BFAR: variants seen among roughly 807,000 people sequenced by gnomAD.
The protein encoded by BFAR is RING finger protein 47.
In BFAR, 52 loss-of-function variants were observed where a neutral mutation model predicts 54.4. That is an observed-to-expected ratio of 0.96 (90% CI 0.77 to 1.21). The LOEUF (loss-of-function observed/expected upper bound fraction) is 1.21. BFAR is among the 50% of genes most tolerant of loss of function. The pLI is 0.00. For synonymous variants in BFAR, 215 were observed against 204.3 expected (o/e 1.05, Z -0.45); for missense variants, 571 against 534.0 (o/e 1.07, Z -0.68).
chr16:14,647,784 C>T (rs991244466), intron 2 of BFAR, among the ~76,000 whole-genome samples: 6 of 151,944 alleles, frequency 3.9e-5, no homozygotes, highest in African/African-American at 1.5e-4. Context: ...CAATTATGTA[C>T]GTCTTAAATT....
chr16:14,653,533 C>T (rs1960035338), intron 4 of BFAR, among the ~76,000 whole-genome samples: 1 of 152,032 alleles, frequency 6.6e-6, no homozygotes, highest in Admixed American at 6.6e-5. Context: ...ACCACGTTGG[C>T]CAGGCTGGTC....
At chr16:14,661,489 C>T (rs907232951) in intron 5 of BFAR, among the ~76,000 whole-genome samples, 1 of 147,458 alleles carries the variant, frequency 6.8e-6, no homozygotes, top group South Asian at 2.2e-4. Flanking sequence ...GCAACCTCCA[C>T]CTCCCAGGTT....
At chr16:14,640,013 T>C (rs905327074) in intron 1 of BFAR, among the ~76,000 whole-genome samples, 1 of 151,672 alleles carries the variant, frequency 6.6e-6, no homozygotes, top group Non-Finnish European at 1.5e-5. Context: ...TAGCCAGGTG[T>C]GGTGGCGCAC....
At chr16:14,658,657 C>T (rs1217102744) in intron 5 of BFAR, among the ~76,000 whole-genome samples, 2 of 151,332 alleles carry the variant, frequency 1.3e-5, no homozygotes, top group Admixed American at 6.6e-5. Flanking sequence ...GGCGTGAACC[C>T]GGGAGACGGA....
In BFAR at chr16:14,649,904, G is replaced by T; in HGVS notation, c.569G>T (p.Trp190Leu). 1 of 1,613,744 alleles carries T rather than the reference G, an allele frequency of 6.2e-7. No individual in the cohort carries two copies. ...AKWTAEEVVLWLEQLGPWASL... is the reference protein window; with the variant it reads ...AKWTAEEVVLLLEQLGPWASL... Reference sequence around the variant, plus strand: ...TGGACGGCGGAAGAAGTTGTCCTCTGGCTGGAGCAGCTGGGCCCTTGGGCA... The same window carrying T: ...TGGACGGCGGAAGAAGTTGTCCTCTTGCTGGAGCAGCTGGGCCCTTGGGCA... Residue 190 changes from tryptophan to leucine, a missense_variant, in exon 4 of 8, where the codon TGG (tryptophan) becomes TTG (leucine). Trp to Leu is a moderately conservative substitution (Grantham distance 61). Coordinates refer to ENST00000261658, the MANE Select transcript of BFAR (RefSeq NM_016561.3).
Position 14,669,200 on chromosome 16 carries a change from GAAATAA to G in BFAR, c.*1381_*1386del. On this transcript the variant is annotated 3_prime_UTR_variant, in exon 8 of 8. Transcript: ENST00000261658. ...ATCTGGAAGTTCGAAGAAATTACTTGAAATAAAAATAAAGATTTCTATATAGATAAA... is the reference window on the plus strand; with the variant it reads ...ATCTGGAAGTTCGAAGAAATTACTTGAAATAAAGATTTCTATATAGATAAA... 2 of 305,162 alleles carry G rather than the reference GAAATAA, an allele frequency of 6.6e-6. No individual in the cohort carries two copies. Among genetic ancestry groups the G allele is most frequent in the South Asian group, 5.3e-5 (2 of 37,702 alleles). 18.9% of individuals were successfully genotyped at this position (305,162 alleles called of 1,614,324 possible).
chr16:14,638,652 T>TAA (rs1959528042), intron 1 of BFAR, among the ~76,000 whole-genome samples: 1 of 152,226 alleles, frequency 6.6e-6, no homozygotes, highest in Admixed American at 6.5e-5. Context: ...AGTAAGGGTA[T>TAA]AAAAATTCTT....
intron 1 of BFAR, among the ~76,000 whole-genome samples, chr16:14,640,364 G>A (rs1959583734): frequency 1.3e-5 from 2 of 152,174 alleles, no homozygotes; most frequent in African/African-American, 4.8e-5. Flanking sequence ...GAGGAGTGTA[G>A]CAAGCTGACG....
At chr16:14,637,064 TACAG>T (rs1295148421) in intron 1 of BFAR, among the ~76,000 whole-genome samples, 1 of 152,192 alleles carries the variant, frequency 6.6e-6, no homozygotes, top group Non-Finnish European at 1.5e-5. Flanking sequence ...TCTCTTTCTA[TACAG>T]ACACAGTAAC....
chr16:14,661,759 G>C, intron 5 of BFAR, 133 bp from the exon 6 acceptor site: 8 of 980,354 alleles, frequency 8.2e-6, no homozygotes, highest in Non-Finnish European at 1.1e-5. Flanking sequence ...GCCTCTTCTT[G>C]CCGTTCATTC....
chr16:14,644,209 T>C, intron 1 of BFAR, 65 bp from the exon 2 acceptor site: 1 of 904,276 alleles, frequency 1.1e-6, no homozygotes, highest in Non-Finnish European at 1.7e-6. Flanking sequence ...GTCAATACTT[T>C]TATATTAACT....
At chr16:14,640,497 T>A (rs1959588096) in intron 1 of BFAR, among the ~76,000 whole-genome samples, 1 of 152,182 alleles carries the variant, frequency 6.6e-6, no homozygotes, top group Non-Finnish European at 1.5e-5. Context: ...GAATCTAGAT[T>A]TTTATGTCAT....
chr16:14,658,715 A>C (rs1408939132), intron 5 of BFAR, among the ~76,000 whole-genome samples: 3 of 151,450 alleles, frequency 2.0e-5, no homozygotes, highest in African/African-American at 7.3e-5. Context: ...CCTGGGTGGC[A>C]GACCGAGACT....
intron 1 of BFAR, among the ~76,000 whole-genome samples, chr16:14,641,969 A>G (rs971112287): frequency 2.0e-5 from 3 of 152,168 alleles, no homozygotes; most frequent in African/African-American, 7.2e-5. Flanking sequence ...TAATGCTGCA[A>G]AACTCCCACT....
chr16:14,643,542 CA>C (rs928698405), intron 1 of BFAR, among the ~76,000 whole-genome samples: 2 of 152,052 alleles, frequency 1.3e-5, no homozygotes, highest in Non-Finnish European at 2.9e-5. Context: ...TTTAATAAAT[CA>C]AATTTGTCAC....
At chr16:14,637,197 T>C (rs1257437956) in intron 1 of BFAR, among the ~76,000 whole-genome samples, 1 of 150,748 alleles carries the variant, frequency 6.6e-6, no homozygotes, top group Non-Finnish European at 1.5e-5. Flanking sequence ...TCCAAAATGC[T>C]GTGTGGTCAA....
At chr16:14,645,978 C>T (rs766983316) in intron 2 of BFAR, among the ~76,000 whole-genome samples, 2 of 152,192 alleles carry the variant, frequency 1.3e-5, no homozygotes, top group Non-Finnish European at 2.9e-5. Context: ...AAGTGATTCT[C>T]CTGCCTCAGC....
intron 1 of BFAR, among the ~76,000 whole-genome samples, chr16:14,635,505 G>A (rs1471480785): frequency 6.6e-6 from 1 of 152,122 alleles, no homozygotes; most frequent in East Asian, 1.9e-4. Flanking sequence ...ATAGGTCCTT[G>A]CATATATGCC....
chr16:14,637,556 G>A (rs558642947), intron 1 of BFAR, among the ~76,000 whole-genome samples: 21 of 152,198 alleles, frequency 1.4e-4, no homozygotes, highest in Admixed American at 1.2e-3. Context: ...TAATTGTCGC[G>A]GGGTGCAATG....
Sources: gnomAD v4.1 joint callset for allele counts (sites outside exome capture counted in the v4.1 genomes callset) on GRCh38, gnomAD v4.1.1 for gene constraint, MANE v1.5 for transcripts, NCBI Gene and HGNC (gene_info 2026-07-23, HGNC 2026-07-21) for gene names.